Variants in RAPH1 observed in about 807,000 individuals in gnomAD.
RAPH1 encodes the protein ras-associated and pleckstrin homology domains-containing protein 1.
A neutral mutation model predicts 88.1 loss-of-function variants in RAPH1; 18 were observed. The observed-to-expected ratio is 0.20, with a 90% CI of 0.14 to 0.30. The LOEUF is 0.30. Among genes scored for constraint, RAPH1 ranks in the 10% least tolerant of loss-of-function variants. RAPH1 has a pLI of 1.00. For missense variants in RAPH1, 1,448 were observed against 1,543.2 expected, an observed-to-expected ratio of 0.94 and a Z score of 1.03; for synonymous variants, 587 against 559.0, an observed-to-expected ratio of 1.05 and a Z score of -0.71.
At chr2:203,519,134 T>C (rs1338839036) in intron 1 of RAPH1, among the ~76,000 whole-genome samples, 1 of 152,190 alleles carries the variant, frequency 6.6e-6, no homozygotes, top group Non-Finnish European at 1.5e-5. Context: ...GAGGGAATAA[T>C]ACATAGTAAC....
chr2:203,511,666 T>C (rs1340179127), intron 1 of RAPH1, among the ~76,000 whole-genome samples: 3 of 152,212 alleles, frequency 2.0e-5, no homozygotes, highest in African/African-American at 7.2e-5. Context: ...CAGGGTTTCA[T>C]TCCAAAATTC....
intron 1 of RAPH1, among the ~76,000 whole-genome samples, chr2:203,534,549 C>T (rs866549046): frequency 4.8e-5 from 6 of 124,134 alleles, no homozygotes; most frequent in Non-Finnish European, 6.4e-5. Flanking sequence ...GGATTTCCGG[C>T]GGGAATGTAT....
In RAPH1 at chr2:203,489,859, A is replaced by C; in HGVS notation, c.457T>G (p.Leu153Val). The change falls in exon 4 of 14, where the codon TTG (leucine) becomes GTG (valine). Residue 153 changes from leucine (L) to valine (V), a missense_variant. Around this residue, in one of 2 missense-constraint regions of RAPH1, gnomAD observed 513 missense variants for 653.1 expected, o/e 0.79. Coordinates refer to ENST00000319170, the MANE Select transcript of RAPH1 (RefSeq NM_213589.3). The part of the protein sequence containing the change: ...IAKPSHASYS[L>V]DDVTAQLEQA... ...TCTAACTGTGCAGTGACGTCGTCCA[A>C]GGAGTAGCTGGCATGGGAAGGTTTA... is the stretch of plus-strand genomic sequence containing the variant. 1.2e-6 allele frequency: 2 copies of C among 1,614,230 alleles called. No homozygotes were observed. Among genetic ancestry groups the C allele is most frequent in the Non-Finnish European group, 1.7e-6 (2 of 1,180,040 alleles).
intron 4 of RAPH1, among the ~76,000 whole-genome samples, chr2:203,485,135 GCTCCCACAGTGTAATC>G (rs1581335937): frequency 6.6e-6 from 1 of 152,128 alleles, no homozygotes; most frequent in African/African-American, 2.4e-5. Context: ...AGGTGCAGTG[GCTCCCACAGTGTAATC>G]CCAGCACTTT....
chr2:203,506,756 A>C (rs1194726884), intron 1 of RAPH1, among the ~76,000 whole-genome samples: 2 of 123,442 alleles, frequency 1.6e-5, no homozygotes, highest in East Asian at 2.2e-4. Context: ...ATATATATAT[A>C]TCTATATATA....
chr2:203,488,599 A>AC (rs1688092882), intron 4 of RAPH1, among the ~76,000 whole-genome samples: 3 of 148,400 alleles, frequency 2.0e-5, no homozygotes, highest in Non-Finnish European at 4.5e-5. Flanking sequence ...AAAAAAAAAA[A>AC]AAAAAAAAAA....
Position 203,440,167 on chromosome 2 carries a change from G to T in RAPH1, c.3023C>A (p.Ala1008Glu). 6.2e-7 allele frequency: 1 copy of T among 1,613,774 alleles called. No individual in the cohort carries two copies. The highest frequency in any genetic ancestry group is 8.5e-7 in the Non-Finnish European group (1 of 1,180,000). ...DSLVSKFTPPAESGSPSKETL... is the reference protein window; with the variant it reads ...DSLVSKFTPPEESGSPSKETL... ...CTCCTTGCTGGGAGACCCTGATTCT[G>T]CTGGCGGTGTAAACTTGCTGACTAG... The change falls in exon 14 of 14, where the codon GCA becomes GAA. Residue 1008 changes from alanine to glutamate, a missense_variant. Ala to Glu is a moderately radical substitution (Grantham distance 107, BLOSUM62 -1). Coordinates refer to ENST00000319170, the MANE Select transcript of RAPH1 (RefSeq NM_213589.3).
At chr2:203,451,223 T>A (rs1353223783) in intron 10 of RAPH1, among the ~76,000 whole-genome samples, 1 of 152,214 alleles carries the variant, frequency 6.6e-6, no homozygotes, top group African/African-American at 2.4e-5. Context: ...ATTGCACCCT[T>A]GCTATGTACT....
chr2:203,520,842 A>G (rs948324998), intron 1 of RAPH1, among the ~76,000 whole-genome samples: 11 of 152,146 alleles, frequency 7.2e-5, no homozygotes, highest in African/African-American at 1.9e-4. Flanking sequence ...TGAAAAACAC[A>G]TATCTTGTGA....
intron 9 of RAPH1, among the ~76,000 whole-genome samples, chr2:203,454,905 T>A (rs1321758302): frequency 6.6e-6 from 1 of 152,166 alleles, no homozygotes; most frequent in African/African-American, 2.4e-5. Flanking sequence ...AATGCATATG[T>A]AAAGTATAGT....
intron 8 of RAPH1, 37 bp from the exon 9 acceptor site, chr2:203,455,617 G>C (rs1474370406): frequency 1.3e-6 from 2 of 1,593,408 alleles, no homozygotes; most frequent in Non-Finnish European, 1.7e-6. Context: ...ACTTATGATC[G>C]TTGGATTCTC....
chr2:203,524,481 A>C (rs1690030509), intron 1 of RAPH1, among the ~76,000 whole-genome samples: 1 of 152,208 alleles, frequency 6.6e-6, no homozygotes, highest in African/African-American at 2.4e-5. Flanking sequence ...TTTCTATCAA[A>C]GGTGCCTGGA....
intron 1 of RAPH1, among the ~76,000 whole-genome samples, chr2:203,504,778 G>C (rs555372098): frequency 3.3e-5 from 5 of 152,086 alleles, no homozygotes; most frequent in African/African-American, 1.2e-4. Context: ...TAGCACCCAA[G>C]TCACCTTTTG....
intron 1 of RAPH1, among the ~76,000 whole-genome samples, chr2:203,511,053 C>T (rs989497012): frequency 2.0e-5 from 3 of 152,044 alleles, no homozygotes; most frequent in African/African-American, 7.2e-5. Flanking sequence ...TATAGCTAAT[C>T]AGCTTTGTAT....
chr2:203,477,018 G>T (rs1257048936), intron 4 of RAPH1: 2 of 1,161,514 alleles, frequency 1.7e-6, no homozygotes, highest in Admixed American at 1.8e-5. Flanking sequence ...TCATTTGGAG[G>T]TCTAATGAAT....
At chr2:203,457,467 A>G (rs1466167018) in intron 8 of RAPH1, 63 bp downstream of exon 8, 7 of 1,329,808 alleles carry the variant, frequency 5.3e-6, no homozygotes, top group South Asian at 1.2e-5. Flanking sequence ...TGCAGGCGTG[A>G]GCCACCATGC....
At chr2:203,494,715 A>C (rs1227887377) in intron 2 of RAPH1, among the ~76,000 whole-genome samples, 2 of 151,534 alleles carry the variant, frequency 1.3e-5, no homozygotes, top group Admixed American at 6.6e-5. Flanking sequence ...AGGCTGAGGC[A>C]GGAGAATGGC....
intron 1 of RAPH1, among the ~76,000 whole-genome samples, chr2:203,501,482 C>G (rs1688736674): frequency 6.6e-6 from 1 of 152,108 alleles, no homozygotes; most frequent in Non-Finnish European, 1.5e-5. Context: ...AATGAATTTG[C>G]ATGGTCAGGT....
Position 203,435,084 on chromosome 2 carries a change from TGGAGAAA to T in RAPH1, c.*4346_*4352del, listed in dbSNP as rs1281425351. The T allele has an allele frequency of 5.2e-5, 8 of 152,756 alleles. No individual in the cohort carries two copies. The East Asian group carries it at 1.5e-3, about 29-fold the overall frequency. The allele number at this position is 152,756 out of a possible 1,614,324, so 9.5% of individuals were successfully genotyped here. On this transcript the variant is annotated 3_prime_UTR_variant, in exon 14 of 14. Coordinates refer to ENST00000319170, the MANE Select transcript of RAPH1 (RefSeq NM_213589.3). Reference sequence around the variant, plus strand: ...TTCAACAAGCAAAGAGCAAACCAACTGGAGAAATGTATGTTTTTTCTTTTTATTTATC... The same window carrying T: ...TTCAACAAGCAAAGAGCAAACCAACTTGTATGTTTTTTCTTTTTATTTATC...
Sources: gnomAD v4.1 joint callset for allele counts (sites outside exome capture counted in the v4.1 genomes callset) on GRCh38, gnomAD v4.1.1 for gene constraint, gnomAD v4.1.1 regional missense constraint, MANE v1.5 for transcripts, NCBI Gene and HGNC (gene_info 2026-07-23, HGNC 2026-07-21) for gene names.